ZNF839: variants seen among roughly 807,000 people sequenced by gnomAD.
The protein encoded by ZNF839 is renal carcinoma antigen NY-REN-50.
A neutral mutation model predicts 56.4 loss-of-function variants in ZNF839; 38 were observed. The ratio of observed to expected loss-of-function variants is 0.67; its 90% CI spans 0.52 to 0.88. The LOEUF is 0.88. Among genes scored for constraint, ZNF839 ranks in the 40% least tolerant of loss-of-function variants. The probability of loss-of-function intolerance (pLI) is 0.00; values close to 1 mark genes in which losing one functional copy is unlikely to be tolerated. For missense variants in ZNF839, 1,091 were observed against 1,177.6 expected, an observed-to-expected ratio of 0.93 and a Z score of 1.08; for synonymous variants, 486 against 493.5, an observed-to-expected ratio of 0.98 and a Z score of 0.20.
Position 102,338,711 on chromosome 14 carries a change from T to G in ZNF839, c.1660-105T>G, listed in dbSNP as rs1168980811. ...GCATCTCACAGTAGGTGAGGAACTT[T>G]GTAGATTTAATTCTATGAAGTCGTT... On this transcript the variant is annotated intron_variant, in intron 5 of 7. Coordinates refer to ENST00000442396, the MANE Select transcript of ZNF839 (RefSeq NM_018335.6). The G allele has an allele frequency of 2.6e-6, 4 of 1,512,432 alleles. No homozygotes were observed. The African/African-American group carries it at 5.5e-5, about 21-fold the overall frequency. 93.7% of individuals were successfully genotyped at this position (1,512,432 alleles called of 1,614,324 possible).
rs1162534102 is a variant in ZNF839, at chr14:102,325,987, A to C, written c.291A>C (p.Gln97His). Residue 97 changes from glutamine (Q) to histidine (H), a missense_variant and splice_region_variant, in exon 2 of 8, where the codon CAA becomes CAC. This residue lies in a region of ZNF839 where 614 missense variants were observed against 629.2 expected (regional missense o/e 0.98). Coordinates refer to ENST00000442396, the MANE Select transcript of ZNF839 (RefSeq NM_018335.6). ...PRLPRLLPPQ[Q>H]LEAICVKVTS... ...TTTCTTGTCTTTCTGTACGTAAGCA[A>C]CTAGAAGCCATTTGTGTCAAGGTAA... 8.1e-6 allele frequency: 13 copies of C among 1,611,850 alleles called. No individual in the cohort carries two copies. Among genetic ancestry groups the C allele is most frequent in the Non-Finnish European group, 1.1e-5 (13 of 1,178,996 alleles).
chr14:102,337,028 C>G (rs1444439799), intron 5 of ZNF839: 1 of 154,168 alleles, frequency 6.5e-6, no homozygotes, highest in Non-Finnish European at 1.4e-5. Context: ...ACCACCATGC[C>G]TAGCCCTGTT....
Position 102,338,918 on chromosome 14 carries a change from C to T in ZNF839, c.1762C>T (p.Leu588=). 1.2e-6 allele frequency: 2 copies of T among 1,613,954 alleles called. No individual in the cohort carries two copies. The highest frequency in any genetic ancestry group is 2.2e-5 in the South Asian group (2 of 91,084). The change falls in exon 6 of 8, where the codon CTA becomes TTA. Residue 588 remains leucine, a synonymous_variant. Transcript: ENST00000442396. ...CAGCCGAGACATGGATGGGGAGCAG[C>T]TAGAGGGAGCTAGCAGCGAGAAGAG... The part of the protein sequence containing the change: ...HLSRDMDGEQ[L]EGASSEKRER...
chr14:102,338,742 C>G, intron 5 of ZNF839, 74 bp from the exon 6 acceptor site: 8 of 1,583,436 alleles, frequency 5.1e-6, no homozygotes, highest in Non-Finnish European at 6.9e-6. Flanking sequence ...TCGTTTAATT[C>G]TTGCATGTGA....
At chr14:102,341,068 CAAAAAAAAAA>C (rs60659700) in intron 7 of ZNF839, 7 of 82,966 alleles carry the variant, frequency 8.4e-5, no homozygotes, top group African/African-American at 3.1e-4. Context: ...GACTCCATCT[CAAAAAAAAAA>C]AAAAAAAAAA....
Position 102,326,696 on chromosome 14 carries a change from CTT to C in ZNF839, c.1001_1002del (p.Leu334GlnfsTer15). 2 of 1,612,676 alleles carry C rather than the reference CTT, an allele frequency of 1.2e-6. No homozygotes were observed. The highest frequency in any genetic ancestry group is 1.3e-5 in the African/African-American group (1 of 75,020). The stretch of plus-strand genomic sequence containing the variant: ...GGGGGGACTGGCCCGACATTTTAAA[CTT>C]AACCCAGGCCACGGCCAGTTGGACC... ...GKGGLARHFKLNPGHGQLDPE... is the reference protein window; with the variant it reads ...GKGGLARHFKXNPGHGQLDPE... On this transcript the variant is annotated frameshift_variant, in exon 2 of 8. Transcript: ENST00000442396. LOFTEE classifies it high-confidence loss of function. This position sits in a 1 kb window ranked among gnomAD's most constrained non-coding sequence, Gnocchi z 4.3.
At chr14:102,340,256 A>C (rs1276043724) in intron 7 of ZNF839, among the ~76,000 whole-genome samples, 1 of 142,466 alleles carries the variant, frequency 7.0e-6, no homozygotes, top group African/African-American at 2.6e-5. Flanking sequence ...GATTACAGGC[A>C]TGAGCCACTA....
chr14:102,322,432 A>G (rs2073178910), intron 1 of ZNF839, among the ~76,000 whole-genome samples: 1 of 152,242 alleles, frequency 6.6e-6, no homozygotes, highest in Admixed American at 6.5e-5. Flanking sequence ...CATTAGCTGA[A>G]TTAACTAAAC....
chr14:102,333,562 C>G (rs1208837376), intron 3 of ZNF839, among the ~76,000 whole-genome samples: 2 of 152,148 alleles, frequency 1.3e-5, no homozygotes, highest in Admixed American at 1.3e-4. Context: ...TGCGTCTGGC[C>G]TTCTAAGCAC....
rs1314683008 is a variant in ZNF839, at chr14:102,332,487, T to G, written c.1416+641T>G. 2.0e-5 allele frequency among the ~76,000 whole-genome samples: 3 copies of G among 152,122 alleles called. No homozygotes were observed. The highest frequency in any genetic ancestry group is 7.2e-5 in the African/African-American group (3 of 41,424). ...AATTTCTCCAGAAATGGATATTAAT[T>G]TATACATTTACTGGGTGTCCATCAA... On this transcript the variant is annotated intron_variant, in intron 3 of 7. Coordinates refer to ENST00000442396, the MANE Select transcript of ZNF839 (RefSeq NM_018335.6). The surrounding 1 kb of genome is among the most constrained non-coding windows in gnomAD (Gnocchi z 4.9).
In ZNF839 at chr14:102,326,290, T is replaced by C; in HGVS notation, c.594T>C (p.Ala198=). The C allele has an allele frequency of 6.2e-7, 1 of 1,613,394 alleles. No individual in the cohort carries two copies. Among genetic ancestry groups the C allele is most frequent in the South Asian group, 1.1e-5 (1 of 90,980 alleles). ...VPAKRVPAPK[A]PDEQGSMLTP... is the part of the protein sequence containing the mutation. The stretch of plus-strand genomic sequence containing the variant: ...CAAAGAGAGTCCCAGCCCCCAAGGC[T>C]CCAGATGAACAGGGCTCCATGTTGA... Residue 198 remains alanine, a synonymous_variant, in exon 2 of 8, where the codon GCT becomes GCC. Transcript: ENST00000442396. This position sits in a 1 kb window ranked among gnomAD's most constrained non-coding sequence, Gnocchi z 4.3.
At position 102,326,646 on chromosome 14, in the gene ZNF839, C is replaced by T; in HGVS notation, c.950C>T (p.Thr317Ile). 6.2e-7 allele frequency: 1 copy of T among 1,613,222 alleles called. No homozygotes were observed. The highest frequency in any genetic ancestry group is 8.5e-7 in the Non-Finnish European group (1 of 1,179,582). Residue 317 changes from threonine (T) to isoleucine (I), a missense_variant, in exon 2 of 8, where the codon ACT becomes ATT. Coordinates refer to ENST00000442396, the MANE Select transcript of ZNF839 (RefSeq NM_018335.6). This position sits in a 1 kb window ranked among gnomAD's most constrained non-coding sequence, Gnocchi z 4.3. ...SLRPKSFKCQ[T>I]CEKSYIGKGG... ...AGGCCCAAAAGCTTTAAGTGTCAGA[C>T]TTGTGAAAAGTCATATATAGGGAAG...
In ZNF839 at chr14:102,331,426, T is replaced by C. The variant is rs1049460548; in HGVS notation, c.1192-196T>C. The C allele has an allele frequency of 2.6e-5, 14 of 545,802 alleles. No homozygotes were observed. In the South Asian group the frequency reaches 2.7e-4, roughly 11 times the overall value. The allele number at this position is 545,802 out of a possible 1,614,324, so 33.8% of individuals were successfully genotyped here. ...ACCGCGCCTGGCTAATTTTTTGTAT[T>C]CTTAGTAGAGATGGGGTTTCACCAT... On this transcript the variant is annotated intron_variant, in intron 2 of 7. Transcript: ENST00000442396.
chr14:102,327,206 T>G (rs1485902073), intron 2 of ZNF839, among the ~76,000 whole-genome samples: 1 of 152,160 alleles, frequency 6.6e-6, no homozygotes, highest in African/African-American at 2.4e-5. Flanking sequence ...AGTGGCCTGA[T>G]CTTGGCTCAC....
At chr14:102,329,852 G>C (rs942534458) in intron 2 of ZNF839, among the ~76,000 whole-genome samples, 1 of 140,148 alleles carries the variant, frequency 7.1e-6, no homozygotes, top group Non-Finnish European at 1.5e-5. Flanking sequence ...GGAGTGTAAT[G>C]GCGTAATATC....
chr14:102,326,777 G>A lies in ZNF839; in HGVS notation c.1081G>A (p.Glu361Lys). Residue 361 changes from glutamate (E) to lysine (K), a missense_variant, in exon 2 of 8, where the codon GAG becomes AAG. Physicochemically the swap from Glu to Lys is moderately conservative, Grantham distance 56. Around this residue, in one of 3 missense-constraint regions of ZNF839, gnomAD observed 614 missense variants for 629.2 expected, o/e 0.98. Transcript: ENST00000442396. This position sits in a 1 kb window ranked among gnomAD's most constrained non-coding sequence, Gnocchi z 4.3. ...TGGAAGCACCCTCCGGGGGTGCACG[G>A]AGGAAAGGACGCTCAGCCTGACCTC... Reference protein sequence around the residue: ...ASGSTLRGCTEERTLSLTSLG... With the variant: ...ASGSTLRGCTKERTLSLTSLG... The A allele has an allele frequency of 3.1e-6, 5 of 1,612,882 alleles. No individual in the cohort carries two copies. Among genetic ancestry groups the A allele is most frequent in the South Asian group, 1.1e-5 (1 of 90,844 alleles).
Position 102,336,746 on chromosome 14 carries a change from T to G in ZNF839, c.1659+908T>G, listed in dbSNP as rs566310867. The G allele has an allele frequency of 1.8e-3, 621 of 341,350 alleles. 7 individuals are homozygous for G. Among genetic ancestry groups the G allele is most frequent in the African/African-American group, 0.012 (561 of 45,120 alleles). The allele number at this position is 341,350 out of a possible 1,614,324, so 21.1% of individuals were successfully genotyped here. The stretch of plus-strand genomic sequence containing the variant: ...TATCATTTTCTTCTTTTTTTTTTTT[T>G]GTTTTGAAACAGGGTTTCCCTCTGT... On this transcript the variant is annotated intron_variant, in intron 5 of 7. Coordinates refer to ENST00000442396, the MANE Select transcript of ZNF839 (RefSeq NM_018335.6).
Position 102,326,437 on chromosome 14 carries a change from GAC to G in ZNF839, c.744_745del (p.Arg249PhefsTer11). Reference sequence around the variant, plus strand: ...AACTAAAAAAATCGTTAAAAGTAAAGACACGTTCTGGACGGGTATCTCGACCT... The same window carrying G: ...AACTAAAAAAATCGTTAAAAGTAAAGACGTTCTGGACGGGTATCTCGACCT... ...EKLKKSLKVK[T>X]RSGRVSRPPK... On this transcript the variant is annotated frameshift_variant, in exon 2 of 8. Transcript: ENST00000442396. LOFTEE classifies it high-confidence loss of function. The surrounding 1 kb of genome is among the most constrained non-coding windows in gnomAD (Gnocchi z 4.3). 5.6e-6 allele frequency: 9 copies of G among 1,613,866 alleles called. No individual in the cohort carries two copies. Among genetic ancestry groups the G allele is most frequent in the Non-Finnish European group, 7.6e-6 (9 of 1,179,866 alleles).
At chr14:102,340,769 G>T (rs1886421008) in intron 7 of ZNF839, among the ~76,000 whole-genome samples, 1 of 152,106 alleles carries the variant, frequency 6.6e-6, no homozygotes, top group Non-Finnish European at 1.5e-5. Flanking sequence ...CATTCATTCA[G>T]TATTGGCATA....
Sources: gnomAD v4.1 joint callset for allele counts (sites outside exome capture counted in the v4.1 genomes callset) on GRCh38, gnomAD v4.1.1 for gene constraint, gnomAD v4.1.1 regional missense constraint, Gnocchi (gnomAD v3.1) non-coding constraint, MANE v1.5 for transcripts, NCBI Gene and HGNC (gene_info 2026-07-23, HGNC 2026-07-21) for gene names.